The following POTEF variants were observed in gnomAD, a reference collection of about 807,000 sequenced individuals.
The protein encoded by POTEF is ANKRD26-like family C member 1B.
In POTEF, 20 loss-of-function variants were observed where a neutral mutation model predicts 83.2. The observed-to-expected ratio is 0.24, with a 90% confidence interval of 0.17 to 0.35. The LOEUF (loss-of-function observed/expected upper bound fraction) is 0.35, where lower values mean the gene tolerates loss of function less well. Among genes scored for constraint, POTEF ranks in the 10% least tolerant of loss-of-function variants. POTEF has a pLI of 1.00. For missense variants in POTEF, 550 were observed against 1,203.2 expected (o/e 0.46, Z 8.03); for synonymous variants, 196 against 446.4 (o/e 0.44, Z 7.07).
At chr2:130,116,140 T>C (rs1573614113) in intron 3 of POTEF, among the ~76,000 whole-genome samples, 1 of 152,006 alleles carries the variant, frequency 6.6e-6, no homozygotes, top group East Asian at 1.9e-4. Flanking sequence ...ATTTCTAAAA[T>C]AAACCAATTC....
In POTEF at chr2:130,112,080, G is replaced by A. The variant is rs1684729450; in HGVS notation, c.832C>T (p.Leu278Phe). 6.7e-7 allele frequency: 1 copy of A among 1,488,080 alleles called. No homozygotes were observed. Among genetic ancestry groups the A allele is most frequent in the Non-Finnish European group, 8.9e-7 (1 of 1,120,576 alleles). 92.2% of individuals were successfully genotyped at this position (1,488,080 alleles called of 1,614,324 possible). A position where few individuals can be genotyped will look rare whatever the true frequency, so the allele number is the denominator to read the frequency against. ...TGCTGTTTTTGCTCATGTACACCAA[G>A]TAACAGTGGTGTGAGGCCATGCTGT... ...KNKHGLTPLL[L>F]GVHEQKQQVV... Residue 278 changes from leucine (L) to phenylalanine (F), a missense_variant, in exon 6 of 17, where the codon CTT becomes TTT. Physicochemically the swap from Leu to Phe is conservative, Grantham distance 22. Coordinates refer to ENST00000409914, the MANE Select transcript of POTEF (RefSeq NM_001099771.2).
intron 2 of POTEF, among the ~76,000 whole-genome samples, chr2:130,127,261 C>T (rs551545353): frequency 1.3e-3 from 164 of 124,660 alleles, no homozygotes; most frequent in Non-Finnish European, 2.2e-3. Context: ...GGAAGCAGAG[C>T]TTGCAGTGAG....
intron 2 of POTEF, among the ~76,000 whole-genome samples, 195 bp downstream of exon 2, chr2:130,127,514 G>A (rs1222210180): frequency 1.0e-4 from 15 of 150,726 alleles, no homozygotes; most frequent in African/African-American, 3.0e-4. Flanking sequence ...CGAGGCCCAT[G>A]GTACAGCACC....
Position 130,075,571 on chromosome 2 carries a change from A to C in POTEF, c.1901T>G (p.Leu634Arg). The C allele has an allele frequency of 6.2e-7, 1 of 1,609,134 alleles. No homozygotes were observed. Among genetic ancestry groups the C allele is most frequent in the Non-Finnish European group, 8.5e-7 (1 of 1,179,022 alleles). ...IEVVEKMNSE[L>R]SLSCKKEKDI... ...TTTTTCTTTCTTACAACTAAGAGAAAGCTAAGTAAACAAAGAGAACTTTTA... is the reference window on the plus strand; with the variant it reads ...TTTTTCTTTCTTACAACTAAGAGAACGCTAAGTAAACAAAGAGAACTTTTA... The change falls in exon 17 of 17, where the codon CTT becomes CGT. Residue 634 changes from leucine to arginine, a missense_variant and splice_region_variant. Leu to Arg is a moderately radical substitution (Grantham distance 102). Coordinates refer to ENST00000409914, the MANE Select transcript of POTEF (RefSeq NM_001099771.2).
At chr2:130,105,299 C>CA (rs1197877625) in intron 8 of POTEF, among the ~76,000 whole-genome samples, 2 of 151,156 alleles carry the variant, frequency 1.3e-5, no homozygotes, top group Non-Finnish European at 2.9e-5. Context: ...AGCATAACAC[C>CA]AAAAAAACAA....
chr2:130,085,623 T>C (rs1426276700), intron 15 of POTEF, among the ~76,000 whole-genome samples, 191 bp downstream of exon 15: 2 of 76,406 alleles, frequency 2.6e-5, no homozygotes, highest in Non-Finnish European at 5.0e-5. Flanking sequence ...ATACTGGTTA[T>C]TTTTCAAATA....
At chr2:130,124,834 CAA>C (rs1316920699) in intron 2 of POTEF, among the ~76,000 whole-genome samples, 1 of 129,532 alleles carries the variant, frequency 7.7e-6, no homozygotes, top group Non-Finnish European at 1.6e-5. Context: ...AGAGTGGCAA[CAA>C]GAGAGACTGG....
At chr2:130,128,259 C>T (rs1573621132) in intron 1 of POTEF, among the ~76,000 whole-genome samples, 1 of 151,412 alleles carries the variant, frequency 6.6e-6, no homozygotes, top group African/African-American at 2.4e-5. Context: ...CAACACAGAG[C>T]ATGGGGTGTG....
At chr2:130,113,849 C>G (rs1684773548) in intron 5 of POTEF, among the ~76,000 whole-genome samples, 1 of 151,330 alleles carries the variant, frequency 6.6e-6, no homozygotes, top group African/African-American at 2.4e-5. Flanking sequence ...ATGACCAATT[C>G]CCTTTCTCAT....
chr2:130,113,902 C>T (rs1315044884), intron 5 of POTEF, among the ~76,000 whole-genome samples: 1 of 151,594 alleles, frequency 6.6e-6, no homozygotes, highest in Admixed American at 6.6e-5. Context: ...GAGAGAGACC[C>T]ATTTGCTGAA....
chr2:130,097,747 G>C (rs1684281417), intron 11 of POTEF, among the ~76,000 whole-genome samples: 1 of 152,138 alleles, frequency 6.6e-6, no homozygotes, highest in Non-Finnish European at 1.5e-5. Context: ...CAGGAATAAA[G>C]TGGGAGAAAT....
intron 11 of POTEF, among the ~76,000 whole-genome samples, chr2:130,099,132 T>C: frequency 1.8e-5 from 1 of 55,094 alleles, no homozygotes; most frequent in Non-Finnish European, 3.2e-5. Flanking sequence ...TTTTGCTTAT[T>C]ATGTGGCTGA....
At chr2:130,105,278 C>T (rs1159974559) in intron 8 of POTEF, among the ~76,000 whole-genome samples, 1 of 151,166 alleles carries the variant, frequency 6.6e-6, no homozygotes. Context: ...TTAAGCAAAA[C>T]AAATGAAAAA....
chr2:130,114,445 G>A (rs563934276), intron 5 of POTEF, among the ~76,000 whole-genome samples: 107 of 144,288 alleles, frequency 7.4e-4, no homozygotes, highest in Non-Finnish European at 1.2e-3. Flanking sequence ...AGTGAGAGGC[G>A]CATCACCTCG....
chr2:130,104,873 C>CA, intron 8 of POTEF, among the ~76,000 whole-genome samples: 1 of 151,398 alleles, frequency 6.6e-6, no homozygotes, highest in South Asian at 2.1e-4. Context: ...TAGTGAGAGT[C>CA]AAACTAGTAG....
chr2:130,100,801 A>C lies in POTEF; in HGVS notation c.1198-81T>G, dbSNP rs538453050. On this transcript the variant is annotated intron_variant, in intron 9 of 16. Coordinates refer to ENST00000409914, the MANE Select transcript of POTEF (RefSeq NM_001099771.2). ...TCTTTTGGAGCGCATGTTTTAAAAA[A>C]ATTTTATTCTTAACTAATCAAGTAT... The C allele has an allele frequency of 3.0e-4, 468 of 1,548,752 alleles. 18 individuals are homozygous for C. The African/African-American group carries it at 4.7e-3, about 15-fold the overall frequency.
chr2:130,090,776 G>A (rs367562270), intron 12 of POTEF, among the ~76,000 whole-genome samples: 1,765 of 107,806 alleles, frequency 0.016, 60 homozygotes, highest in Non-Finnish European at 0.021. Flanking sequence ...GAGTAACTGA[G>A]ATTTCTAACG....
At chr2:130,119,146 A>G (rs1684927393) in intron 3 of POTEF, among the ~76,000 whole-genome samples, 1 of 151,668 alleles carries the variant, frequency 6.6e-6, no homozygotes, top group Non-Finnish European at 1.5e-5. Flanking sequence ...TAAAAGTGAT[A>G]AATAGAAAAA....
chr2:130,101,522 C>G (rs1301648011), intron 9 of POTEF, among the ~76,000 whole-genome samples: 1 of 149,642 alleles, frequency 6.7e-6, no homozygotes, highest in Non-Finnish European at 1.5e-5. Context: ...CCTCCCTGAA[C>G]AGAAACGCTG....
Sources: allele counts gnomAD v4.1 joint callset (sites outside exome capture counted in the v4.1 genomes callset), GRCh38; gene constraint gnomAD v4.1.1; transcripts MANE v1.5; gene names NCBI Gene and HGNC (gene_info 2026-07-23, HGNC 2026-07-21).